NTM: variants seen among roughly 807,000 people sequenced by gnomAD.
NTM encodes the protein IgLON family member 2.
Under a neutral mutation model 42.1 loss-of-function variants are expected in NTM, and 13 were observed. The ratio of observed to expected loss-of-function variants is 0.31; its 90% CI spans 0.20 to 0.49. NTM has a LOEUF of 0.49. NTM is among the 20% of genes least tolerant of loss of function. The pLI, the probability that NTM is intolerant of heterozygous loss-of-function variation, is 0.99. For missense variants in NTM, 373 were observed against 452.8 expected (o/e 0.82, Z 1.60); for synonymous variants, 187 against 179.2 (o/e 1.04, Z -0.35).
At chr11:131,583,053 C>T (rs528743005) in intron 1 of NTM, among the ~76,000 whole-genome samples, 4 of 152,324 alleles carry the variant, frequency 2.6e-5, no homozygotes, top group African/African-American at 9.6e-5. Flanking sequence ...GTAGCGTCTC[C>T]CTGGCTCTCT....
intron 1 of NTM, among the ~76,000 whole-genome samples, chr11:131,462,955 A>C (rs1211647447): frequency 8.0e-5 from 12 of 149,190 alleles, no homozygotes; most frequent in Non-Finnish European, 5.9e-5. Flanking sequence ...ACTCATGAAA[A>C]AAAAAAAAAG....
chr11:131,924,707 C>G (rs2057715067), intron 2 of NTM, among the ~76,000 whole-genome samples: 1 of 152,208 alleles, frequency 6.6e-6, no homozygotes, highest in African/African-American at 2.4e-5. Context: ...GAGCAGGGCT[C>G]ACACCCCCAC....
intron 1 of NTM, among the ~76,000 whole-genome samples, chr11:131,723,941 A>G (rs180783445): frequency 5.3e-5 from 8 of 152,374 alleles, no homozygotes; most frequent in East Asian, 1.9e-4. Flanking sequence ...CTAGAGGCCA[A>G]TGTAATTTCT....
At chr11:131,396,437 C>T (rs1944563422) in intron 1 of NTM, among the ~76,000 whole-genome samples, 1 of 152,170 alleles carries the variant, frequency 6.6e-6, no homozygotes, top group African/African-American at 2.4e-5. Flanking sequence ...TACACCTTCA[C>T]ACCTCTCGGT....
At chr11:132,229,485 A>G (rs73040262) in intron 4 of NTM, among the ~76,000 whole-genome samples, 5,384 of 152,316 alleles carry the variant, frequency 0.035, 151 homozygotes, top group Non-Finnish European at 0.052. Context: ...GCTAGAATCC[A>G]TATAGTTTAT....
intron 1 of NTM, among the ~76,000 whole-genome samples, chr11:131,614,586 G>T (rs935527291): frequency 2.0e-5 from 3 of 152,234 alleles, no homozygotes; most frequent in Non-Finnish European, 4.4e-5. Context: ...GCCAGAGCTA[G>T]TCTGCAGCTC....
intron 1 of NTM, among the ~76,000 whole-genome samples, chr11:131,442,124 T>C (rs746698692): frequency 6.6e-6 from 1 of 152,212 alleles, no homozygotes; most frequent in Non-Finnish European, 1.5e-5. Context: ...CAGTTTATTT[T>C]CAGGACTGAG....
intron 1 of NTM, among the ~76,000 whole-genome samples, chr11:131,691,409 C>T (rs2074687705): frequency 6.6e-6 from 1 of 152,196 alleles, no homozygotes; most frequent in Non-Finnish European, 1.5e-5. Context: ...CCCAGGGAGT[C>T]CACGTCACGA....
chr11:131,522,381 A>G (rs1162197122), intron 1 of NTM, among the ~76,000 whole-genome samples: 1 of 151,074 alleles, frequency 6.6e-6, no homozygotes, highest in Non-Finnish European at 1.5e-5. Context: ...CTCCTTGTTG[A>G]TATTTGTGGT....
intron 2 of NTM, among the ~76,000 whole-genome samples, chr11:132,121,735 C>G (rs529718683): frequency 3.9e-5 from 6 of 152,196 alleles, no homozygotes; most frequent in Non-Finnish European, 8.8e-5. Context: ...TTCCTCCCCC[C>G]TCTCTCGAAC....
chr11:131,428,880 CAA>C (rs35312475), intron 1 of NTM, among the ~76,000 whole-genome samples: 35,527 of 83,744 alleles, frequency 0.42, 4,475 homozygotes, highest in Non-Finnish European at 0.47. Context: ...ACTAAAAATA[CAA>C]AAAAAAAAAA....
chr11:131,371,553 G>A (rs1565435762), intron 1 of NTM, among the ~76,000 whole-genome samples: 5 of 152,084 alleles, frequency 3.3e-5, no homozygotes, highest in African/African-American at 9.7e-5. Flanking sequence ...AAGGGAGAGA[G>A]GCAATAAGAG....
intron 1 of NTM, among the ~76,000 whole-genome samples, chr11:131,513,188 A>C (rs2048475075): frequency 6.6e-6 from 1 of 152,226 alleles, no homozygotes; most frequent in Admixed American, 6.5e-5. Context: ...CTGAACCCAA[A>C]GTGCAAAGTG....
intron 1 of NTM, among the ~76,000 whole-genome samples, chr11:131,819,011 T>C (rs77972423): frequency 0.03 from 4,590 of 152,254 alleles, 229 homozygotes; most frequent in African/African-American, 0.1. Flanking sequence ...CCTAACTGTT[T>C]AAACTGTTGA....
At chr11:131,694,631 G>A (rs1320968909) in intron 1 of NTM, among the ~76,000 whole-genome samples, 1 of 152,222 alleles carries the variant, frequency 6.6e-6, no homozygotes, top group Non-Finnish European at 1.5e-5. Context: ...GCTCAGGCAG[G>A]ACAGGGAGCT....
At chr11:131,882,413 G>A (rs894421070) in intron 1 of NTM, among the ~76,000 whole-genome samples, 2 of 152,184 alleles carry the variant, frequency 1.3e-5, no homozygotes, top group African/African-American at 2.4e-5. Flanking sequence ...CTGTTATGGA[G>A]AGTAATCTGC....
chr11:132,092,031 A>G (rs2060436703), intron 2 of NTM, among the ~76,000 whole-genome samples: 1 of 152,240 alleles, frequency 6.6e-6, no homozygotes, highest in Non-Finnish European at 1.5e-5. Context: ...CCTCTTAAAG[A>G]AAAGCTATTC....
At chr11:132,000,120 C>T (rs1446513722) in intron 2 of NTM, among the ~76,000 whole-genome samples, 2 of 152,204 alleles carry the variant, frequency 1.3e-5, no homozygotes, top group Non-Finnish European at 2.9e-5. Context: ...TGCCTCAGAG[C>T]AGCCCTCAGC....
At chr11:131,511,879 C>T (rs1471722562) in intron 1 of NTM, among the ~76,000 whole-genome samples, 1 of 152,174 alleles carries the variant, frequency 6.6e-6, no homozygotes, top group Non-Finnish European at 1.5e-5. Flanking sequence ...CAGAGGGCGA[C>T]CTTTCAAAAT....
Sources: allele counts gnomAD v4.1 joint callset (sites outside exome capture counted in the v4.1 genomes callset), GRCh38; gene constraint gnomAD v4.1.1; transcripts MANE v1.5; gene names NCBI Gene and HGNC (gene_info 2026-07-23, HGNC 2026-07-21).